Variants in AMMECR1 observed in about 807,000 individuals in gnomAD.
AMMECR1 encodes AMMECR nuclear protein 1, also known as nuclear protein AMMECR1.
A neutral mutation model predicts 22.5 loss-of-function variants in AMMECR1; 3 were observed. That is an observed-to-expected ratio of 0.13 (90% CI 0.06 to 0.35). The LOEUF (loss-of-function observed/expected upper bound fraction) is 0.35, where lower values mean the gene tolerates loss of function less well. Among genes scored for constraint, AMMECR1 ranks in the 10% least tolerant of loss-of-function variants. AMMECR1 has a pLI of 1.00. For synonymous variants in AMMECR1, 130 were observed against 116.7 expected, an observed-to-expected ratio of 1.11 and a Z score of -0.74; for missense variants, 235 against 278.7, an observed-to-expected ratio of 0.84 and a Z score of 1.12.
At chrX:110,339,800 C>T (rs895475981) in intron 2 of AMMECR1, among the ~76,000 whole-genome samples, 18 of 111,700 alleles carry the variant, frequency 1.6e-4, no homozygotes, top group African/African-American at 4.2e-4. Flanking sequence ...CTGGCCTGAA[C>T]GTGATTTTAT....
At chrX:110,278,367 C>G (rs924230283) in intron 1 of AMMECR1, among the ~76,000 whole-genome samples, 1 of 111,715 alleles carries the variant, frequency 9.0e-6, no homozygotes, top group African/African-American at 3.3e-5. Context: ...AGACACAAAA[C>G]TAAGTAAGTT....
intron 2 of AMMECR1, among the ~76,000 whole-genome samples, chrX:110,352,985 C>T (rs979765465): frequency 2.7e-5 from 3 of 112,457 alleles, no homozygotes; most frequent in South Asian, 3.7e-4. Context: ...TCATTATTCA[C>T]TTAGCACAAT....
At chrX:110,424,757 G>C (rs1303773158) in intron 2 of AMMECR1, among the ~76,000 whole-genome samples, 5 of 111,777 alleles carry the variant, frequency 4.5e-5, no homozygotes, top group African/African-American at 1.3e-4. Context: ...GTTTGAAAGA[G>C]GCAGGCCTGG....
intron 2 of AMMECR1, among the ~76,000 whole-genome samples, chrX:110,422,284 G>A (rs1306874893): frequency 2.7e-5 from 3 of 112,862 alleles, no homozygotes; most frequent in Non-Finnish European, 5.6e-5. Context: ...GACAAGCTGG[G>A]CTCCCTTTTC....
intron 2 of AMMECR1, among the ~76,000 whole-genome samples, chrX:110,349,559 G>C (rs2068203458): frequency 1.8e-5 from 2 of 111,805 alleles, no homozygotes; most frequent in Non-Finnish European, 3.8e-5. Context: ...AAGCAGTTGG[G>C]CAGGAATTTC....
chrX:110,308,677 A>C (rs1246896131), intron 1 of AMMECR1, among the ~76,000 whole-genome samples: 2 of 111,592 alleles, frequency 1.8e-5, no homozygotes, highest in Admixed American at 1.9e-4. Context: ...AACATCAAAG[A>C]GCTATTCCAC....
intron 2 of AMMECR1, among the ~76,000 whole-genome samples, chrX:110,377,225 A>G (rs1404086254): frequency 8.9e-6 from 1 of 112,080 alleles, no homozygotes; most frequent in Admixed American, 9.4e-5. Context: ...GACTAAGAAT[A>G]AAATTCACTT....
chrX:110,302,607 T>A (rs2067972933), intron 1 of AMMECR1, among the ~76,000 whole-genome samples: 2 of 111,525 alleles, frequency 1.8e-5, no homozygotes, highest in Non-Finnish European at 3.8e-5. Context: ...GCGCGGTGAC[T>A]CACGACTGTA....
chrX:110,305,642 A>C lies in AMMECR1; in HGVS notation c.473+11957T>G, dbSNP rs569668227. ...AGATGTAAGTTTTTCATTAGAAACA[A>C]GTGTGTATACTGTAAGAAGCAATTT... On this transcript the variant is annotated intron_variant, in intron 1 of 5. Coordinates refer to ENST00000262844, the MANE Select transcript of AMMECR1 (RefSeq NM_015365.3). 16 of 111,937 alleles carry C rather than the reference A, an allele frequency of 1.4e-4. No homozygotes were observed. The South Asian group carries it at 5.6e-3, about 39-fold the overall frequency. 9.2% of individuals were successfully genotyped at this position (111,937 alleles called of 1,213,427 possible). A position where few individuals can be genotyped will look rare whatever the true frequency, so the allele number is the denominator to read the frequency against.
chrX:110,351,636 T>C lies in AMMECR1; in HGVS notation c.-147-33787A>G, dbSNP rs192481922. Among the ~76,000 whole-genome samples, 105 of 111,912 alleles carry C rather than the reference T, an allele frequency of 9.4e-4. 1 individual carries two copies. In the Admixed American group the frequency reaches 9.8e-3, roughly 10 times the overall value. On this transcript the variant is annotated intron_variant, in intron 2 of 7. Coordinates refer to the AMMECR1 transcript ENST00000372057. Reference sequence around the variant, plus strand: ...AATGTAAGGGCTAAAATTATAGCACTATTAAAAGGAAACATAGATGTAAAT... The same window carrying C: ...AATGTAAGGGCTAAAATTATAGCACCATTAAAAGGAAACATAGATGTAAAT...
chrX:110,358,018 G>A (rs1407832536), intron 2 of AMMECR1, among the ~76,000 whole-genome samples: 1 of 110,691 alleles, frequency 9.0e-6, no homozygotes, highest in African/African-American at 3.3e-5. Context: ...GTAAAAGCAA[G>A]GATTTTGAAA....
intron 1 of AMMECR1, among the ~76,000 whole-genome samples, chrX:110,291,504 C>T (rs962231360): frequency 2.1e-4 from 23 of 110,980 alleles, no homozygotes; most frequent in East Asian, 1.1e-3. Flanking sequence ...CCAGCCTGGG[C>T]GACAGAGTGA....
At chrX:110,294,085 A>G (rs764354697) in intron 1 of AMMECR1, among the ~76,000 whole-genome samples, 1 of 112,359 alleles carries the variant, frequency 8.9e-6, no homozygotes, top group South Asian at 3.7e-4. Flanking sequence ...TAAAAATTAA[A>G]TAACTTTTAA....
intron 2 of AMMECR1, among the ~76,000 whole-genome samples, chrX:110,356,837 GC>G (rs758556281): frequency 9.0e-6 from 1 of 111,383 alleles, no homozygotes; most frequent in South Asian, 3.8e-4. Flanking sequence ...GCAGTTACTT[GC>G]CTGAGGTTGC....
At chrX:110,340,239 T>C (rs1026154697) in intron 2 of AMMECR1, among the ~76,000 whole-genome samples, 1 of 111,833 alleles carries the variant, frequency 8.9e-6, no homozygotes, top group Non-Finnish European at 1.9e-5. Flanking sequence ...GTGGTTAGCA[T>C]AGTTCCTGAC....
chrX:110,401,136 G>A (rs2068561755), intron 2 of AMMECR1, among the ~76,000 whole-genome samples: 1 of 112,409 alleles, frequency 8.9e-6, no homozygotes, highest in African/African-American at 3.2e-5. Context: ...ATTCAGAGGA[G>A]TAACAAAGAT....
chrX:110,438,852 C>T (rs2068858536), intron 1 of AMMECR1, among the ~76,000 whole-genome samples: 1 of 112,101 alleles, frequency 8.9e-6, no homozygotes, highest in African/African-American at 3.2e-5. Context: ...GACAATGTTC[C>T]TTCTATTGTG....
chrX:110,246,329 G>T, intron 2 of AMMECR1, among the ~76,000 whole-genome samples: 1 of 112,142 alleles, frequency 8.9e-6, no homozygotes, highest in Non-Finnish European at 1.9e-5. Context: ...AAAACAAAAT[G>T]CAGATACATC....
At chrX:110,359,608 G>A (rs1324746127) in intron 2 of AMMECR1, among the ~76,000 whole-genome samples, 1 of 111,080 alleles carries the variant, frequency 9.0e-6, no homozygotes, top group Non-Finnish European at 1.9e-5. Context: ...ACCATCTGAT[G>A]GAATTTAACT....
Sources: allele counts gnomAD v4.1 joint callset (sites outside exome capture counted in the v4.1 genomes callset), GRCh38; gene constraint gnomAD v4.1.1; transcripts MANE v1.5; gene names NCBI Gene and HGNC (gene_info 2026-07-23, HGNC 2026-07-21).